The following SAMMSON variants were observed in gnomAD, a reference collection of about 807,000 sequenced individuals.
SAMMSON encodes the protein survival associated mitochondrial melanoma specific oncogenic non-coding RNA.
At chr3:70,329,728 G>A (rs116815935) in intron 7 of SAMMSON, among the ~76,000 whole-genome samples, 1 of 151,824 alleles carries the variant, frequency 6.6e-6, no homozygotes. Flanking sequence ...TCACACAATA[G>A]AATCTTAAAG....
chr3:70,429,841 G>C (rs1349101219), intron 2 of SAMMSON, among the ~76,000 whole-genome samples: 1 of 152,130 alleles, frequency 6.6e-6, no homozygotes, highest in Non-Finnish European at 1.5e-5. Context: ...TGCTGAAGTT[G>C]CTTATAAGCT....
At chr3:70,314,240 A>G (rs1440670112) in intron 7 of SAMMSON, among the ~76,000 whole-genome samples, 1 of 152,180 alleles carries the variant, frequency 6.6e-6, no homozygotes, top group Non-Finnish European at 1.5e-5. Flanking sequence ...TCAGTGTTTA[A>G]CATGATTGCC....
At chr3:70,274,238 C>A (rs532872832) in intron 6 of SAMMSON, among the ~76,000 whole-genome samples, 1 of 151,890 alleles carries the variant, frequency 6.6e-6, no homozygotes, top group South Asian at 2.1e-4. Context: ...TGTTTTAATA[C>A]TCTCAGTTAG....
chr3:70,007,453 G>A (rs147000488), intron 1 of SAMMSON, among the ~76,000 whole-genome samples: 1 of 152,256 alleles, frequency 6.6e-6, no homozygotes, highest in East Asian at 1.9e-4. Flanking sequence ...CTTCTTTTGA[G>A]AAGTGTCTGT....
intron 6 of SAMMSON, among the ~76,000 whole-genome samples, chr3:70,264,824 G>C (rs995816773): frequency 6.6e-6 from 1 of 152,136 alleles, no homozygotes; most frequent in Non-Finnish European, 1.5e-5. Flanking sequence ...TAGGGACATC[G>C]GGGATGTATT....
intron 9 of SAMMSON, among the ~76,000 whole-genome samples, chr3:70,387,104 T>C (rs997958715): frequency 6.6e-6 from 1 of 152,006 alleles, no homozygotes; most frequent in African/African-American, 2.4e-5. Context: ...TAGTAGAGAT[T>C]ATATCTAACT....
intron 3 of SAMMSON, among the ~76,000 whole-genome samples, chr3:70,043,049 T>C (rs980674191): frequency 3.3e-5 from 5 of 152,162 alleles, no homozygotes; most frequent in African/African-American, 1.2e-4. Context: ...CTTTTTCATG[T>C]ATATCATGCA....
chr3:70,331,742 C>T (rs571144647), intron 7 of SAMMSON, among the ~76,000 whole-genome samples: 3 of 152,156 alleles, frequency 2.0e-5, no homozygotes, highest in African/African-American at 7.2e-5. Context: ...GCACCCCTGC[C>T]CTTTATCTAG....
chr3:70,206,091 C>G (rs929383582), intron 4 of SAMMSON, among the ~76,000 whole-genome samples: 1 of 151,890 alleles, frequency 6.6e-6, no homozygotes, highest in African/African-American at 2.4e-5. Flanking sequence ...CCAGGGGAAC[C>G]ACTCCTTTCT....
intron 3 of SAMMSON, among the ~76,000 whole-genome samples, chr3:70,035,824 A>C (rs1398766519): frequency 6.6e-6 from 1 of 152,196 alleles, no homozygotes; most frequent in Non-Finnish European, 1.5e-5. Context: ...TGATTTGTTT[A>C]TATCTATCAA....
At chr3:70,343,893 A>G (rs776604384) in intron 7 of SAMMSON, among the ~76,000 whole-genome samples, 1 of 149,920 alleles carries the variant, frequency 6.7e-6, no homozygotes, top group South Asian at 2.1e-4. Context: ...CATATTTTAC[A>G]TTATAATGTA....
chr3:70,245,112 C>T (rs1021358143), intron 4 of SAMMSON, among the ~76,000 whole-genome samples: 4 of 152,116 alleles, frequency 2.6e-5, no homozygotes, highest in East Asian at 1.9e-4. Context: ...AAGCTCATTT[C>T]CTCTCCTTTA....
chr3:70,419,318 C>T (rs1701293361), intron 2 of SAMMSON, among the ~76,000 whole-genome samples: 1 of 152,060 alleles, frequency 6.6e-6, no homozygotes. Context: ...CAGACATGAG[C>T]CACTGCGCCT....
intron 4 of SAMMSON, among the ~76,000 whole-genome samples, chr3:70,158,336 T>A (rs2067600379): frequency 6.6e-6 from 1 of 152,144 alleles, no homozygotes; most frequent in Non-Finnish European, 1.5e-5. Context: ...CTTCTTTCAC[T>A]GAGCATAATG....
intron 9 of SAMMSON, among the ~76,000 whole-genome samples, chr3:70,377,505 A>G (rs1703027771): frequency 6.6e-6 from 1 of 152,116 alleles, no homozygotes; most frequent in Admixed American, 6.5e-5. Context: ...CAGATGGGTA[A>G]AAGATTAAAT....
At chr3:70,018,573 C>G (rs560540979) in intron 3 of SAMMSON, among the ~76,000 whole-genome samples, 202 of 152,216 alleles carry the variant, frequency 1.3e-3, no homozygotes, top group Non-Finnish European at 2.1e-3. Flanking sequence ...TTTTGTGTCT[C>G]TATTCCCTTC....
chr3:70,023,814 A>C (rs1441677311), intron 3 of SAMMSON, among the ~76,000 whole-genome samples: 1 of 152,200 alleles, frequency 6.6e-6, no homozygotes, highest in Non-Finnish European at 1.5e-5. Context: ...TATTTACAAA[A>C]ATAGGCCTGG....
At chr3:70,260,277 CCT>C (rs1243464283) in intron 6 of SAMMSON, among the ~76,000 whole-genome samples, 1 of 152,120 alleles carries the variant, frequency 6.6e-6, no homozygotes, top group Non-Finnish European at 1.5e-5. Context: ...CGGCATTTCC[CCT>C]GTGTGTGTCT....
rs538666443 is a variant in SAMMSON at position 70,283,287 on chromosome 3, T to C, written n.675-7892T>C. 5.3e-5 allele frequency among the ~76,000 whole-genome samples: 8 copies of C among 152,090 alleles called. No homozygotes were observed. The South Asian group carries it at 1.7e-3, about 32-fold the overall frequency. On this transcript the variant is annotated intron_variant and non_coding_transcript_variant, in intron 6 of 9. Transcript: ENST00000642114. ...GTCCTCTGATTGATTGCTTTTTGGT[T>C]GGTCTGTGTTTTCAATGCACTGTGC...
Sources: allele counts gnomAD v4.1 joint callset (sites outside exome capture counted in the v4.1 genomes callset), GRCh38; gene constraint gnomAD v4.1.1; transcripts MANE v1.5; gene names NCBI Gene and HGNC (gene_info 2026-07-23, HGNC 2026-07-21).